VGLL4: variants seen among roughly 807,000 people sequenced by gnomAD.
VGLL4 encodes vestigial like family member 4.
VGLL4 carries 7 observed loss-of-function variants against 21.0 expected under a neutral mutation model. The observed-to-expected ratio is 0.33, with a 90% CI of 0.19 to 0.63. The LOEUF (loss-of-function observed/expected upper bound fraction) is 0.63, where lower values mean the gene tolerates loss of function less well. Ranked by LOEUF, VGLL4 falls within the 20% of genes least tolerant of loss-of-function variation. The probability of loss-of-function intolerance (pLI) is 0.78; values close to 1 mark genes in which losing one functional copy is unlikely to be tolerated. For missense variants in VGLL4, 394 were observed against 425.7 expected (o/e 0.93, Z 0.66); for synonymous variants, 222 against 173.2 (o/e 1.28, Z -2.21).
At chr3:11,644,042 A>C (rs1006999876), upstream of VGLL4, 15 of 961,042 alleles carry the variant, frequency 1.6e-5, no homozygotes, top group Non-Finnish European at 1.9e-5. Flanking sequence ...CAAGTGTTGG[A>C]AAGAAAGAGA....
chr3:11,679,135 T>G (rs2076336092), intron 2 of VGLL4, among the ~76,000 whole-genome samples: 1 of 152,180 alleles, frequency 6.6e-6, no homozygotes, highest in East Asian at 1.9e-4. Context: ...CTTACATGTA[T>G]TTTTTAAAGT....
At chr3:11,689,801 G>A (rs1274850022) in intron 2 of VGLL4, among the ~76,000 whole-genome samples, 1 of 152,208 alleles carries the variant, frequency 6.6e-6, no homozygotes, top group Non-Finnish European at 1.5e-5. Context: ...GTCCAATGAT[G>A]GGCTTTGCTT....
intron 1 of VGLL4, among the ~76,000 whole-genome samples, chr3:11,625,388 AT>A (rs2075333212): frequency 6.6e-6 from 1 of 152,238 alleles, no homozygotes; most frequent in Non-Finnish European, 1.5e-5. Flanking sequence ...GCTGAATGAC[AT>A]TTGGTTCTAA....
At chr3:11,561,367 C>G (rs2072982918) in intron 3 of VGLL4, among the ~76,000 whole-genome samples, 1 of 152,186 alleles carries the variant, frequency 6.6e-6, no homozygotes, top group African/African-American at 2.4e-5. Flanking sequence ...GGCAGGCTGG[C>G]TGACTGGTAT....
chr3:11,629,237 C>A (rs1419922433), intron 1 of VGLL4, among the ~76,000 whole-genome samples: 1 of 151,982 alleles, frequency 6.6e-6, no homozygotes, highest in African/African-American at 2.4e-5. Context: ...GGGGTGTAGC[C>A]AATCTTTTCC....
chr3:11,595,065 G>A (rs1037378157), intron 2 of VGLL4, among the ~76,000 whole-genome samples: 2 of 152,224 alleles, frequency 1.3e-5, no homozygotes, highest in African/African-American at 4.8e-5. Flanking sequence ...GGAGGCTGAG[G>A]CAGGAGAATC....
intron 1 of VGLL4, among the ~76,000 whole-genome samples, chr3:11,608,533 A>G (rs1159266420): frequency 6.6e-6 from 1 of 152,212 alleles, no homozygotes; most frequent in Non-Finnish European, 1.5e-5. Flanking sequence ...AGAGAAATGA[A>G]AAGAGAGAAT....
chr3:11,712,195 C>A (rs1177741467), intron 1 of VGLL4, among the ~76,000 whole-genome samples: 3 of 152,182 alleles, frequency 2.0e-5, no homozygotes, highest in Non-Finnish European at 4.4e-5. Context: ...TTAAATCTTT[C>A]ACTCATTCAG....
intron 2 of VGLL4, among the ~76,000 whole-genome samples, chr3:11,659,326 C>CTTTTTTTTTTTTTTTTTTTTTT (rs5846714): frequency 4.2e-5 from 3 of 70,822 alleles, no homozygotes; most frequent in African/African-American, 5.3e-5. Context: ...TTTTCTTTTT[C>CTTTTTTTTTTTTTTTTTTTTTT]TTTTTTTTTT....
chr3:11,592,240 T>C (rs1378448815), intron 2 of VGLL4, among the ~76,000 whole-genome samples: 2 of 152,280 alleles, frequency 1.3e-5, no homozygotes, highest in African/African-American at 2.4e-5. Flanking sequence ...CTAAGGTTAC[T>C]ATTGGCTTGG....
At chr3:11,601,160 G>A (rs2074786392) in intron 2 of VGLL4, among the ~76,000 whole-genome samples, 1 of 152,238 alleles carries the variant, frequency 6.6e-6, no homozygotes, top group Non-Finnish European at 1.5e-5. Flanking sequence ...TCAGGGATCT[G>A]TGGTTTCAGC....
intron 2 of VGLL4, chr3:11,702,897 T>TA: frequency 7.1e-7 from 1 of 1,411,272 alleles, no homozygotes; most frequent in Non-Finnish European, 9.6e-7. Flanking sequence ...GAGAAGCATG[T>TA]AATTTTGTTA....
intron 3 of VGLL4, among the ~76,000 whole-genome samples, chr3:11,564,140 C>T (rs1300177164): frequency 6.6e-6 from 1 of 152,248 alleles, no homozygotes; most frequent in Non-Finnish European, 1.5e-5. Context: ...TGAGCCTCCT[C>T]AATGCTGCTG....
intron 2 of VGLL4, among the ~76,000 whole-genome samples, chr3:11,677,611 G>A (rs2076310265): frequency 1.3e-5 from 2 of 152,060 alleles, no homozygotes; most frequent in Admixed American, 6.6e-5. Context: ...TAGCGCGTAT[G>A]AACAAAAACT....
chr3:11,604,353 G>T lies in VGLL4; in HGVS notation c.83-2331C>A. On this transcript the variant is annotated intron_variant, in intron 1 of 4. Transcript: ENST00000430365. The stretch of plus-strand genomic sequence containing the variant: ...GATCCTCCAGTTAACAGGTTAGCTG[G>T]AGGCAAGAACCCATGGCCTCTGCAA... 7 of 950,372 alleles carry T rather than the reference G, an allele frequency of 7.4e-6. 1 individual carries two copies. Among genetic ancestry groups the T allele is most frequent in the Non-Finnish European group, 8.7e-6 (7 of 806,570 alleles). The allele number at this position is 950,372 out of a possible 1,614,324, so 58.9% of individuals were successfully genotyped here.
chr3:11,673,963 G>A (rs1326380085), intron 2 of VGLL4, among the ~76,000 whole-genome samples: 1 of 134,098 alleles, frequency 7.5e-6, no homozygotes, highest in Non-Finnish European at 1.5e-5. Flanking sequence ...AGTGAGCTGA[G>A]ATCGCGCCAC....
intron 2 of VGLL4, among the ~76,000 whole-genome samples, chr3:11,573,572 A>C (rs1559870992): frequency 6.6e-6 from 1 of 152,162 alleles, no homozygotes; most frequent in Non-Finnish European, 1.5e-5. Context: ...GCCATGGCTG[A>C]CCACTGCTGC....
intron 2 of VGLL4, among the ~76,000 whole-genome samples, chr3:11,570,380 G>C (rs1384952421): frequency 1.3e-5 from 2 of 152,154 alleles, no homozygotes; most frequent in East Asian, 3.9e-4. Flanking sequence ...GGCCACCAAG[G>C]TCTGTCCCCG....
intron 2 of VGLL4, among the ~76,000 whole-genome samples, chr3:11,684,938 A>G (rs924561132): frequency 7.2e-5 from 11 of 152,078 alleles, no homozygotes; most frequent in African/African-American, 2.7e-4. Context: ...TCAGGTACTA[A>G]GCCAAGTACT....
Sources: allele counts gnomAD v4.1 joint callset (sites outside exome capture counted in the v4.1 genomes callset), GRCh38; gene constraint gnomAD v4.1.1; transcripts MANE v1.5; gene names NCBI Gene and HGNC (gene_info 2026-07-23, HGNC 2026-07-21).